Variants in RIC1 observed in about 807,000 individuals in gnomAD.
RIC1 encodes RIC1 partner of RAB6A GEF complex.
A neutral mutation model predicts 169.0 loss-of-function variants in RIC1; 88 were observed. That is an observed-to-expected ratio of 0.52 (90% confidence interval 0.44 to 0.62). The LOEUF (loss-of-function observed/expected upper bound fraction) is 0.62. Among genes scored for constraint, RIC1 ranks in the 20% least tolerant of loss-of-function variants. The pLI is 0.00. For synonymous variants in RIC1, 790 were observed against 601.5 expected (o/e 1.31, Z -4.59); for missense variants, 1,877 against 1,725.5 (o/e 1.09, Z -1.56).
At chr9:5,746,181 C>A in intron 11 of RIC1, 98 bp downstream of exon 11, 1 of 774,234 alleles carries the variant, frequency 1.3e-6, no homozygotes. Context: ...CTAAAATTGG[C>A]ATATTATCTT....
chr9:5,723,266 G>A (rs1237746094), intron 6 of RIC1, among the ~76,000 whole-genome samples: 3 of 152,142 alleles, frequency 2.0e-5, no homozygotes, highest in African/African-American at 7.2e-5. Flanking sequence ...GTGTGAGATG[G>A]TATCTCATTG....
intron 1 of RIC1, among the ~76,000 whole-genome samples, chr9:5,654,010 A>C (rs189962464): frequency 5.3e-5 from 8 of 151,922 alleles, no homozygotes; most frequent in Non-Finnish European, 8.8e-5. Context: ...TACATTTTTT[A>C]TGTTTTTGAG....
At chr9:5,722,205 CTTT>C (rs77698349) in intron 6 of RIC1, among the ~76,000 whole-genome samples, 2 of 124,790 alleles carry the variant, frequency 1.6e-5, no homozygotes, top group Admixed American at 8.0e-5. Context: ...TCTTCTTCTT[CTTT>C]TTTTTTTTTT....
chr9:5,765,266 T>C (rs926062728), intron 19 of RIC1, 148 bp from the exon 20 acceptor site: 1 of 779,574 alleles, frequency 1.3e-6, no homozygotes, highest in African/African-American at 1.8e-5. Context: ...CGCTTTTCCT[T>C]GTATGGTACT....
intron 1 of RIC1, among the ~76,000 whole-genome samples, chr9:5,643,315 CT>C (rs1339778745): frequency 6.6e-6 from 1 of 152,038 alleles, no homozygotes; most frequent in Non-Finnish European, 1.5e-5. Context: ...CTATGGCTTT[CT>C]TTTTTTCATA....
intron 2 of RIC1, among the ~76,000 whole-genome samples, chr9:5,681,378 G>A (rs1003025814): frequency 6.6e-6 from 1 of 152,136 alleles, no homozygotes; most frequent in African/African-American, 2.4e-5. Flanking sequence ...GTTCTCGTTG[G>A]TTTCAAAGAA....
chr9:5,702,894 C>T (rs974322706), intron 3 of RIC1, among the ~76,000 whole-genome samples: 2 of 152,192 alleles, frequency 1.3e-5, no homozygotes, highest in Non-Finnish European at 2.9e-5. Flanking sequence ...CTTACTATCA[C>T]AAGAACAGCA....
intron 4 of RIC1, 61 bp from the exon 5 acceptor site, chr9:5,720,121 A>G (rs558191547): frequency 1.5e-5 from 20 of 1,362,834 alleles, no homozygotes; most frequent in Admixed American, 2.0e-5. Flanking sequence ...AGCAGTTTTA[A>G]TATTCATACA....
intron 21 of RIC1, among the ~76,000 whole-genome samples, chr9:5,766,256 A>G (rs1026863544): frequency 6.6e-6 from 1 of 152,130 alleles, no homozygotes; most frequent in African/African-American, 2.4e-5. Flanking sequence ...TGCCCAGGCT[A>G]GTCTCGAACT....
At chr9:5,702,955 C>G (rs1042116759) in intron 3 of RIC1, among the ~76,000 whole-genome samples, 2 of 152,164 alleles carry the variant, frequency 1.3e-5, no homozygotes, top group Admixed American at 6.5e-5. Flanking sequence ...CAGGCCCCAC[C>G]TCCAACGTTG....
At chr9:5,727,918 G>A (rs1824100671) in intron 6 of RIC1, among the ~76,000 whole-genome samples, 2 of 152,134 alleles carry the variant, frequency 1.3e-5, no homozygotes, top group Admixed American at 6.5e-5. Flanking sequence ...CATCTTAGAG[G>A]GGCACCCAGC....
rs190621744 is a variant in RIC1 at position 5,722,111 on chromosome 9, C to A, written c.720+1361C>A. ...CCCTGTTGGTCAGGCTGGTCTTGAC[C>A]TACCAACCTCAGGTGATCCACCCAC... On this transcript the variant is annotated intron_variant, in intron 6 of 25. Transcript: ENST00000414202. Among the ~76,000 whole-genome samples, 16 of 152,012 alleles carry A rather than the reference C, an allele frequency of 1.1e-4. No individual in the cohort carries two copies. The East Asian group carries it at 3.1e-3, about 29-fold the overall frequency.
At chr9:5,736,440 T>C (rs1824711104) in intron 7 of RIC1, among the ~76,000 whole-genome samples, 1 of 152,184 alleles carries the variant, frequency 6.6e-6, no homozygotes, top group Admixed American at 6.5e-5. Flanking sequence ...AAATTATCTC[T>C]CTGTAACTGC....
intron 21 of RIC1, 72 bp from the exon 22 acceptor site, chr9:5,768,898 C>T (rs1826993177): frequency 6.8e-7 from 1 of 1,472,460 alleles, no homozygotes; most frequent in African/African-American, 1.4e-5. Flanking sequence ...TTTATCAGTA[C>T]CTCTGCGTAA....
At chr9:5,702,811 T>A (rs1356472665) in intron 3 of RIC1, among the ~76,000 whole-genome samples, 3 of 152,158 alleles carry the variant, frequency 2.0e-5, no homozygotes, top group African/African-American at 7.2e-5. Flanking sequence ...CCTCCCAAAG[T>A]GCTAGGATTA....
chr9:5,685,517 C>A (rs1185970724), intron 2 of RIC1, among the ~76,000 whole-genome samples: 5 of 149,334 alleles, frequency 3.3e-5, no homozygotes, highest in African/African-American at 9.8e-5. Flanking sequence ...GAAAAACAAG[C>A]AATGGGGAAA....
rs1321255906 is a variant in RIC1, at chr9:5,763,572, C to G, written c.2545C>G (p.Gln849Glu). The change falls in exon 19 of 26, where the codon CAG (glutamine) becomes GAG (glutamate). Residue 849 changes from glutamine (Q) to glutamate (E), a missense_variant. By Grantham distance (29) the Gln-to-Glu change is conservative (BLOSUM62 2). Transcript: ENST00000414202. The surrounding 1 kb of genome is among the most constrained non-coding windows in gnomAD (Gnocchi z 5.2). ...NLGEQALLLA[Q>E]SCATLPYFPH... ...TGGGGAGCAAGCCTTGCTCTTGGCC[C>G]AGTCCTGTGCCACATTACCTTACTT... is the stretch of plus-strand genomic sequence containing the variant. 6.2e-7 allele frequency: 1 copy of G among 1,614,166 alleles called. No individual in the cohort carries two copies.
intron 6 of RIC1, among the ~76,000 whole-genome samples, chr9:5,729,475 T>C (rs1207884334): frequency 6.6e-6 from 1 of 152,208 alleles, no homozygotes; most frequent in Non-Finnish European, 1.5e-5. Context: ...TCCCTGTCAG[T>C]TAAGGATTCT....
chr9:5,755,271 C>T (rs1380185380), intron 15 of RIC1, among the ~76,000 whole-genome samples: 1 of 151,968 alleles, frequency 6.6e-6, no homozygotes. Context: ...TTACAGTAAC[C>T]CCTCCTTAAT....
Sources: allele counts gnomAD v4.1 joint callset (sites outside exome capture counted in the v4.1 genomes callset), GRCh38; gene constraint gnomAD v4.1.1; non-coding constraint Gnocchi (gnomAD v3.1); transcripts MANE v1.5; gene names NCBI Gene and HGNC (gene_info 2026-07-23, HGNC 2026-07-21).